Variants in NNT observed in about 807,000 individuals in gnomAD.
NNT encodes the protein nicotinamide nucleotide transhydrogenase.
In NNT, 50 loss-of-function variants were observed where a neutral mutation model predicts 104.8. That is an observed-to-expected ratio of 0.48 (90% CI 0.38 to 0.60). The LOEUF (loss-of-function observed/expected upper bound fraction) is 0.60. NNT is among the 20% of genes least tolerant of loss of function. NNT has a pLI of 0.00. For missense variants in NNT, 1,131 were observed against 1,330.7 expected, an observed-to-expected ratio of 0.85 and a Z score of 2.33; for synonymous variants, 461 against 490.4, an observed-to-expected ratio of 0.94 and a Z score of 0.79.
chr5:43,648,823 T>G (rs1739593801), intron 10 of NNT, among the ~76,000 whole-genome samples: 1 of 152,202 alleles, frequency 6.6e-6, no homozygotes, highest in Admixed American at 6.5e-5. Context: ...TATAAACACA[T>G]GTGGCATTGT....
Position 43,615,943 on chromosome 5 carries a change from A to G in NNT, c.477A>G (p.Gln159=). 6.2e-7 allele frequency: 1 copy of G among 1,614,170 alleles called. No individual in the cohort carries two copies. Among genetic ancestry groups the G allele is most frequent in the Non-Finnish European group, 8.5e-7 (1 of 1,180,012 alleles). ...TGATTAGTTTTATTTACCCAGCCCAAAATCCAGAGTTGCTAAATAAACTTT... is the reference window on the plus strand; with the variant it reads ...TGATTAGTTTTATTTACCCAGCCCAGAATCCAGAGTTGCTAAATAAACTTT... ...GTLISFIYPA[Q]NPELLNKLSQ... is the part of the protein sequence containing the mutation. Residue 159 remains glutamine, a synonymous_variant, in exon 4 of 22, where the codon CAA becomes CAG. Transcript: ENST00000344920.
At chr5:43,667,250 C>T (rs1294463785) in intron 17 of NNT, 1 of 874,566 alleles carries the variant, frequency 1.1e-6, no homozygotes. Context: ...CCTTAAGCTG[C>T]CGGTCCCGAA....
chr5:43,658,556 G>T (rs1246849516), intron 16 of NNT, among the ~76,000 whole-genome samples: 1 of 152,126 alleles, frequency 6.6e-6, no homozygotes, highest in Non-Finnish European at 1.5e-5. Context: ...CCTTATGGTG[G>T]GTGGTGGGGG....
intron 19 of NNT, among the ~76,000 whole-genome samples, chr5:43,685,463 A>G (rs1238003715): frequency 6.6e-6 from 1 of 152,170 alleles, no homozygotes; most frequent in Non-Finnish European, 1.5e-5. Context: ...GTAAGCAAAT[A>G]GTTGAAGGTT....
intron 17 of NNT, among the ~76,000 whole-genome samples, chr5:43,666,376 C>T (rs977687882): frequency 2.0e-5 from 3 of 152,176 alleles, no homozygotes; most frequent in African/African-American, 4.8e-5. Flanking sequence ...AGATCACTTG[C>T]GGTCAGGAGC....
At chr5:43,613,333 T>G (rs1323818773) in intron 3 of NNT, 196 bp downstream of exon 3, 2 of 544,666 alleles carry the variant, frequency 3.7e-6, no homozygotes, top group African/African-American at 1.9e-5. Flanking sequence ...TGATCTATGT[T>G]TAACCATGAG....
intron 7 of NNT, among the ~76,000 whole-genome samples, chr5:43,634,921 T>C (rs2111750972): frequency 6.6e-6 from 1 of 152,308 alleles, no homozygotes; most frequent in Non-Finnish European, 1.5e-5. Context: ...TGGTTTGGTT[T>C]GTTATTTCTC....
In NNT at chr5:43,684,992, C is replaced by T. The variant is rs1044122347; in HGVS notation, c.2876+7186C>T. On this transcript the variant is annotated intron_variant, in intron 19 of 21. Transcript: ENST00000344920. ...GGTCCTTGAGCTATAGCCCATACTA[C>T]GGACTTTTTATTGTATCCACAGTGG... Among the ~76,000 whole-genome samples the T allele has an allele frequency of 4.6e-5, 7 of 152,174 alleles. No individual in the cohort carries two copies. The South Asian group carries it at 1.2e-3, about 27-fold the overall frequency.
intron 17 of NNT, chr5:43,666,854 C>G: frequency 6.8e-7 from 1 of 1,474,454 alleles, no homozygotes; most frequent in Non-Finnish European, 9.4e-7. Context: ...TTGGTTTGAT[C>G]CTTGGCCTTG....
In NNT at chr5:43,706,274, T is replaced by C. The variant is rs1287497877; in HGVS notation, c.*1870T>C. The C allele has an allele frequency of 6.6e-6, 1 of 151,630 alleles. No individual in the cohort carries two copies. The highest frequency in any genetic ancestry group is 2.4e-5 in the African/African-American group (1 of 41,382). The allele number at this position is 151,630 out of a possible 1,614,324, so 9.4% of individuals were successfully genotyped here. ...ATTCCAAAAGGTTAGTGGACTTAGA[T>C]TATAAATTATGGCAAAAATCTAAAA... On this transcript the variant is annotated 3_prime_UTR_variant, in exon 22 of 22. Transcript: ENST00000344920.
chr5:43,691,702 C>T (rs529406529), intron 19 of NNT, among the ~76,000 whole-genome samples: 1 of 152,354 alleles, frequency 6.6e-6, no homozygotes, highest in East Asian at 1.9e-4. Flanking sequence ...CTAAGCATCT[C>T]TGTTAAAGTG....
At chr5:43,626,010 T>C (rs1156438948) in intron 6 of NNT, among the ~76,000 whole-genome samples, 3 of 152,146 alleles carry the variant, frequency 2.0e-5, no homozygotes, top group African/African-American at 7.2e-5. Flanking sequence ...TTCCATTGTA[T>C]AGAGAAGTAC....
In NNT at chr5:43,613,062, A is replaced by G. The variant is rs1205977964; in HGVS notation, c.306A>G (p.Ser102=). ...ESGAGEASKF[S]DDHYRVAGAQ... Reference sequence around the variant, plus strand: ...GTGCGGGCGAAGCTTCCAAGTTCTCAGATGATCACTATAGAGTGGCAGGTG... The same window carrying G: ...GTGCGGGCGAAGCTTCCAAGTTCTCGGATGATCACTATAGAGTGGCAGGTG... Residue 102 remains serine, a synonymous_variant, in exon 3 of 22, where the codon TCA becomes TCG. Transcript: ENST00000344920. The G allele has an allele frequency of 1.2e-6, 2 of 1,614,192 alleles. No individual in the cohort carries two copies. Among genetic ancestry groups the G allele is most frequent in the Admixed American group, 3.3e-5 (2 of 60,018 alleles).
chr5:43,655,747 T>C (rs1419468512), intron 14 of NNT, 93 bp from the exon 15 acceptor site: 1 of 855,800 alleles, frequency 1.2e-6, no homozygotes, highest in Admixed American at 2.2e-5. Context: ...TATTTATTTG[T>C]GACAATGGTG....
At chr5:43,659,899 C>G (rs770808641) in intron 17 of NNT, among the ~76,000 whole-genome samples, 4 of 152,030 alleles carry the variant, frequency 2.6e-5, no homozygotes, top group Non-Finnish European at 5.9e-5. Flanking sequence ...TGGAGATAAA[C>G]AGGTAAGATT....
chr5:43,681,128 C>CG (rs888159095), intron 19 of NNT, among the ~76,000 whole-genome samples: 3 of 151,534 alleles, frequency 2.0e-5, no homozygotes, highest in African/African-American at 7.2e-5. Context: ...GGCATGGTGG[C>CG]GGGCACCTGT....
chr5:43,665,114 G>A (rs945453200), intron 17 of NNT, among the ~76,000 whole-genome samples: 4 of 152,030 alleles, frequency 2.6e-5, no homozygotes, highest in Non-Finnish European at 4.4e-5. Flanking sequence ...CTCTACATCT[G>A]TACAGCGGTA....
intron 4 of NNT, among the ~76,000 whole-genome samples, chr5:43,616,375 A>G (rs898161505): frequency 1.3e-5 from 2 of 152,188 alleles, no homozygotes; most frequent in Non-Finnish European, 2.9e-5. Context: ...GTGTGTGTAC[A>G]TGTATATGTA....
At position 43,670,151 on chromosome 5, in the gene NNT, G is replaced by A. The variant is rs574537462; in HGVS notation, c.2635-5360G>A. Among the ~76,000 whole-genome samples, 574 of 152,034 alleles carry A rather than the reference G, an allele frequency of 3.8e-3. 2 individuals are homozygous for A. The highest frequency in any genetic ancestry group is 7.0e-3 in the Non-Finnish European group (473 of 67,984). On this transcript the variant is annotated intron_variant, in intron 17 of 21. Transcript: ENST00000344920. ...TATTCTCCTTATCATTTTTTATTGC[G>A]TCTATTTGATTCTTGTCTCTTTTCT... is the stretch of plus-strand genomic sequence containing the variant.
Sources: gnomAD v4.1 joint callset for allele counts (sites outside exome capture counted in the v4.1 genomes callset) on GRCh38, gnomAD v4.1.1 for gene constraint, MANE v1.5 for transcripts, NCBI Gene and HGNC (gene_info 2026-07-23, HGNC 2026-07-21) for gene names.